The following TENM3 variants were observed in gnomAD, a reference collection of about 807,000 sequenced individuals.
TENM3 encodes teneurin transmembrane protein 3.
Under a neutral mutation model 255.1 loss-of-function variants are expected in TENM3, and 63 were observed. The observed-to-expected ratio is 0.25, with a 90% CI of 0.20 to 0.30. The LOEUF is 0.30. Among genes scored for constraint, TENM3 ranks in the 10% least tolerant of loss-of-function variants. TENM3 has a pLI of 1.00. For synonymous variants in TENM3, 1,306 were observed against 1,322.3 expected, an observed-to-expected ratio of 0.99 and a Z score of 0.27; for missense variants, 2,929 against 3,461.1, an observed-to-expected ratio of 0.85 and a Z score of 3.86.
intron 3 of TENM3, among the ~76,000 whole-genome samples, chr4:182,387,944 A>C (rs1301219583): frequency 2.0e-5 from 3 of 152,062 alleles, no homozygotes; most frequent in Non-Finnish European, 4.4e-5. Flanking sequence ...TTGCAAAAAA[A>C]AAAAAAAAAA....
At chr4:182,686,011 AT>A (rs981514782) in intron 11 of TENM3, among the ~76,000 whole-genome samples, 1 of 151,924 alleles carries the variant, frequency 6.6e-6, no homozygotes, top group Non-Finnish European at 1.5e-5. Flanking sequence ...TTTAGACGGA[AT>A]TTTTTTCATG....
the TENM3 span, among the ~76,000 whole-genome samples, chr4:181,848,596 A>T: frequency 6.6e-6 from 1 of 152,198 alleles, no homozygotes; most frequent in Non-Finnish European, 1.5e-5. Flanking sequence ...GATGTCAATC[A>T]TCAAATCAAC....
chr4:182,524,575 G>A (rs1738948409), intron 3 of TENM3, among the ~76,000 whole-genome samples: 1 of 151,536 alleles, frequency 6.6e-6, no homozygotes, highest in Non-Finnish European at 1.5e-5. Context: ...TGCCAGAGCT[G>A]ATCTCAAACT....
chr4:182,030,689 A>T, the TENM3 span, among the ~76,000 whole-genome samples: 1 of 151,950 alleles, frequency 6.6e-6, no homozygotes, highest in African/African-American at 2.4e-5. Flanking sequence ...ACAAATTTAC[A>T]TTCCCACTGA....
chr4:181,817,584 A>G, the TENM3 span, among the ~76,000 whole-genome samples: 1 of 152,194 alleles, frequency 6.6e-6, no homozygotes, highest in Non-Finnish European at 1.5e-5. Context: ...TCCTCAATGT[A>G]ACAGTATTGG....
chr4:181,987,612 C>T, the TENM3 span, among the ~76,000 whole-genome samples: 122 of 152,136 alleles, frequency 8.0e-4, no homozygotes, highest in Admixed American at 1.2e-3. Context: ...ATTTAAAATG[C>T]AGAACTGCAG....
the TENM3 span, among the ~76,000 whole-genome samples, chr4:181,550,882 T>G: frequency 6.6e-6 from 1 of 152,206 alleles, no homozygotes; most frequent in East Asian, 1.9e-4. Context: ...CATGCTCTCC[T>G]GCAAACTACC....
chr4:182,527,930 G>A (rs1739383612), intron 3 of TENM3, among the ~76,000 whole-genome samples: 1 of 152,080 alleles, frequency 6.6e-6, no homozygotes, highest in African/African-American at 2.4e-5. Flanking sequence ...GTTTCACCAT[G>A]TTGGCCAGGA....
At chr4:182,001,152 A>G in the TENM3 span, among the ~76,000 whole-genome samples, 1 of 151,884 alleles carries the variant, frequency 6.6e-6, no homozygotes, top group Non-Finnish European at 1.5e-5. Context: ...TCATCCTGTT[A>G]TATAACCTGT....
chr4:181,685,334 A>G, the TENM3 span, among the ~76,000 whole-genome samples: 927 of 152,270 alleles, frequency 6.1e-3, 8 homozygotes, highest in African/African-American at 0.021. Context: ...TCAAATATGC[A>G]CTGCTGAAAA....
chr4:181,867,462 C>A, the TENM3 span, among the ~76,000 whole-genome samples: 7 of 152,132 alleles, frequency 4.6e-5, no homozygotes, highest in Admixed American at 1.3e-4. Flanking sequence ...TCCTGACTCC[C>A]AGAACATTTG....
intron 3 of TENM3, among the ~76,000 whole-genome samples, chr4:182,518,446 T>A (rs141188346): frequency 2.6e-5 from 4 of 152,010 alleles, no homozygotes. Flanking sequence ...TCATCTTGGG[T>A]GGGCCAGACC....
intron 1 of TENM3, among the ~76,000 whole-genome samples, chr4:182,307,002 C>T (rs942918926): frequency 3.3e-5 from 5 of 152,170 alleles, no homozygotes; most frequent in African/African-American, 1.2e-4. Context: ...AAAATATATT[C>T]CACATTACAC....
chr4:181,525,040 GT>G, the TENM3 span, among the ~76,000 whole-genome samples: 50 of 152,146 alleles, frequency 3.3e-4, no homozygotes, highest in African/African-American at 1.1e-3. Context: ...TGAACCTATT[GT>G]TTAATGCAGA....
chr4:181,766,105 G>C, the TENM3 span, among the ~76,000 whole-genome samples: 2 of 152,098 alleles, frequency 1.3e-5, no homozygotes, highest in Non-Finnish European at 2.9e-5. Context: ...ATGTTTGGGA[G>C]CCCTCATTTG....
At chr4:181,714,437 C>A in the TENM3 span, among the ~76,000 whole-genome samples, 5 of 152,090 alleles carry the variant, frequency 3.3e-5, no homozygotes, top group Admixed American at 6.6e-5. Context: ...AATGACAGAG[C>A]AAGATGCTAT....
the TENM3 span, among the ~76,000 whole-genome samples, chr4:181,627,577 C>T: frequency 6.6e-6 from 1 of 152,062 alleles, no homozygotes; most frequent in Non-Finnish European, 1.5e-5. Flanking sequence ...TGAGTGAGAA[C>T]ATGCGGTGTT....
At chr4:181,587,586 G>T in the TENM3 span, among the ~76,000 whole-genome samples, 1 of 152,170 alleles carries the variant, frequency 6.6e-6, no homozygotes, top group African/African-American at 2.4e-5. Flanking sequence ...GAAGTTGAGT[G>T]ATGTGGCCAA....
chr4:181,590,894 A>G, the TENM3 span, among the ~76,000 whole-genome samples: 1 of 152,232 alleles, frequency 6.6e-6, no homozygotes, highest in African/African-American at 2.4e-5. Flanking sequence ...CCTAACATGG[A>G]TAGAGATGGA....
Sources: allele counts gnomAD v4.1 joint callset (sites outside exome capture counted in the v4.1 genomes callset), GRCh38; gene constraint gnomAD v4.1.1; transcripts MANE v1.5; gene names NCBI Gene and HGNC (gene_info 2026-07-23, HGNC 2026-07-21).